Variants in RALYL observed in about 807,000 individuals in gnomAD.
RALYL encodes the protein RNA-binding Raly-like protein.
A neutral mutation model predicts 35.1 loss-of-function variants in RALYL; 29 were observed. That is an observed-to-expected ratio of 0.83 (90% CI 0.61 to 1.13). The LOEUF (loss-of-function observed/expected upper bound fraction) is 1.13, where lower values mean the gene tolerates loss of function less well. Among genes scored for constraint, RALYL ranks in the 50% most tolerant of loss-of-function variants. RALYL has a pLI of 0.00. For missense variants in RALYL, 359 were observed against 360.4 expected, an observed-to-expected ratio of 1.00 and a Z score of 0.03; for synonymous variants, 120 against 127.6, an observed-to-expected ratio of 0.94 and a Z score of 0.40.
chr8:84,874,368 C>T (rs1191683331), intron 7 of RALYL, among the ~76,000 whole-genome samples: 3 of 152,144 alleles, frequency 2.0e-5, no homozygotes, highest in Non-Finnish European at 4.4e-5. Flanking sequence ...GAAAGTAAAT[C>T]GATTTTCCTA....
chr8:84,566,366 A>G (rs2061783281), intron 2 of RALYL, among the ~76,000 whole-genome samples: 1 of 151,550 alleles, frequency 6.6e-6, no homozygotes. Context: ...TCAAAACAGC[A>G]GATATGTTCC....
At chr8:84,503,293 A>G (rs575593459) in intron 1 of RALYL, among the ~76,000 whole-genome samples, 3 of 150,542 alleles carry the variant, frequency 2.0e-5, no homozygotes, top group Non-Finnish European at 4.4e-5. Context: ...AGCTGGAACT[A>G]CAGGCACACA....
intron 1 of RALYL, among the ~76,000 whole-genome samples, chr8:84,199,923 G>C (rs1816422727): frequency 6.6e-6 from 1 of 152,122 alleles, no homozygotes; most frequent in African/African-American, 2.4e-5. Context: ...ACTTATCTCT[G>C]CCAATTGCAT....
At chr8:84,673,928 G>A (rs1833729013) in intron 2 of RALYL, among the ~76,000 whole-genome samples, 1 of 152,188 alleles carries the variant, frequency 6.6e-6, no homozygotes, top group Non-Finnish European at 1.5e-5. Flanking sequence ...GGCAATGGTA[G>A]TTTAATGTGA....
At chr8:84,266,510 A>G (rs1292050829) in intron 1 of RALYL, among the ~76,000 whole-genome samples, 1 of 152,222 alleles carries the variant, frequency 6.6e-6, no homozygotes, top group African/African-American at 2.4e-5. Flanking sequence ...GAAGGCAGGA[A>G]TCTGCAAATA....
At chr8:84,574,353 G>A (rs975964242) in intron 2 of RALYL, among the ~76,000 whole-genome samples, 4 of 151,994 alleles carry the variant, frequency 2.6e-5, no homozygotes, top group Admixed American at 6.6e-5. Flanking sequence ...CTGGCCTTCT[G>A]AAGTTTTTCC....
Position 84,209,023 on chromosome 8 carries a change from T to C in RALYL, c.-24+24599T>C, listed in dbSNP as rs555388600. ...CGAAGGCTGTACTTTAGTTTTAAATTGGAGAGGCTTTGTATATGTACACAT... is the reference window on the plus strand; with the variant it reads ...CGAAGGCTGTACTTTAGTTTTAAATCGGAGAGGCTTTGTATATGTACACAT... On this transcript the variant is annotated intron_variant, in intron 1 of 8. Coordinates refer to ENST00000521268, the MANE Select transcript of RALYL (RefSeq NM_173848.7). Among the ~76,000 whole-genome samples the C allele has an allele frequency of 2.8e-3, 419 of 150,734 alleles. 3 individuals carry two copies. The highest frequency in any genetic ancestry group is 9.9e-3 in the African/African-American group (407 of 41,076).
intron 5 of RALYL, among the ~76,000 whole-genome samples, chr8:84,856,756 C>T (rs1327359200): frequency 6.6e-6 from 1 of 152,070 alleles, no homozygotes; most frequent in Non-Finnish European, 1.5e-5. Context: ...GGGCCGGGCG[C>T]GGTGGCTCAC....
chr8:84,545,766 T>C (rs547637500), intron 2 of RALYL, among the ~76,000 whole-genome samples: 7 of 152,186 alleles, frequency 4.6e-5, no homozygotes, highest in Admixed American at 6.5e-5. Context: ...TACTGAGCTT[T>C]GGGGGAGTAA....
chr8:84,408,420 A>G (rs748237674), intron 1 of RALYL, among the ~76,000 whole-genome samples: 2 of 152,328 alleles, frequency 1.3e-5, no homozygotes, highest in South Asian at 2.1e-4. Flanking sequence ...AAGTAATAAA[A>G]TATGTCATCC....
chr8:84,845,697 T>G (rs745585196), intron 4 of RALYL, among the ~76,000 whole-genome samples: 3 of 152,236 alleles, frequency 2.0e-5, no homozygotes, highest in Non-Finnish European at 2.9e-5. Flanking sequence ...TTTTTGATTT[T>G]GTTGCAATAG....
chr8:84,821,886 C>G (rs892404281), intron 4 of RALYL, among the ~76,000 whole-genome samples: 1 of 152,092 alleles, frequency 6.6e-6, no homozygotes, highest in African/African-American at 2.4e-5. Context: ...AATGAAAAGT[C>G]AATCCTCAAA....
chr8:84,728,398 C>G (rs570015805), intron 2 of RALYL, among the ~76,000 whole-genome samples: 1 of 151,666 alleles, frequency 6.6e-6, no homozygotes, highest in Non-Finnish European at 1.5e-5. Context: ...GAGAAGGTTG[C>G]GAAAATTTTC....
At chr8:84,188,426 C>T (rs1015499349) in intron 1 of RALYL, among the ~76,000 whole-genome samples, 1 of 151,988 alleles carries the variant, frequency 6.6e-6, no homozygotes, top group African/African-American at 2.4e-5. Flanking sequence ...TTATTATTCT[C>T]TTATTACTGT....
At chr8:84,575,542 A>G (rs766805216) in intron 2 of RALYL, among the ~76,000 whole-genome samples, 1 of 152,208 alleles carries the variant, frequency 6.6e-6, no homozygotes, top group African/African-American at 2.4e-5. Flanking sequence ...AGTTTAGTCA[A>G]TAAAAGATCA....
At chr8:84,366,182 T>C (rs755073694) in intron 1 of RALYL, among the ~76,000 whole-genome samples, 3 of 152,050 alleles carry the variant, frequency 2.0e-5, no homozygotes, top group Non-Finnish European at 4.4e-5. Flanking sequence ...AATAAAAACA[T>C]GTAAGAAGAT....
chr8:84,853,285 C>G (rs189123886), intron 5 of RALYL, among the ~76,000 whole-genome samples: 97 of 152,114 alleles, frequency 6.4e-4, no homozygotes, highest in Non-Finnish European at 4.4e-5. Flanking sequence ...TTTCAGTTTT[C>G]TCATCTTTAA....
At chr8:84,749,135 G>T (rs1054683640) in intron 2 of RALYL, among the ~76,000 whole-genome samples, 1 of 152,114 alleles carries the variant, frequency 6.6e-6, no homozygotes, top group Non-Finnish European at 1.5e-5. Context: ...AAAAAATGCA[G>T]ATTGAAATCC....
At chr8:84,322,992 T>C (rs536161533) in intron 1 of RALYL, among the ~76,000 whole-genome samples, 43 of 152,184 alleles carry the variant, frequency 2.8e-4, no homozygotes, top group African/African-American at 9.9e-4. Flanking sequence ...GGGATGAAGA[T>C]TGAGATACAA....
Sources: gnomAD v4.1 joint callset for allele counts (sites outside exome capture counted in the v4.1 genomes callset) on GRCh38, gnomAD v4.1.1 for gene constraint, MANE v1.5 for transcripts, NCBI Gene and HGNC (gene_info 2026-07-23, HGNC 2026-07-21) for gene names.